Variants in NMNAT2 observed in about 807,000 individuals in gnomAD.
The protein encoded by NMNAT2 is nicotinamide nucleotide adenylyltransferase 2, also known as nicotinamide/nicotinic acid mononucleotide adenylyltransferase 2.
A neutral mutation model predicts 41.6 loss-of-function variants in NMNAT2; 11 were observed. That is an observed-to-expected ratio of 0.26 (90% CI 0.17 to 0.44). The LOEUF (loss-of-function observed/expected upper bound fraction) is 0.44, where lower values mean the gene tolerates loss of function less well. Among genes scored for constraint, NMNAT2 ranks in the 20% least tolerant of loss-of-function variants. NMNAT2 has a pLI of 1.00. For synonymous variants in NMNAT2, 148 were observed against 151.2 expected (o/e 0.98, Z 0.16); for missense variants, 288 against 407.7 (o/e 0.71, Z 2.53).
intron 1 of NMNAT2, among the ~76,000 whole-genome samples, chr1:183,371,156 C>T (rs1422619905): frequency 2.0e-5 from 3 of 152,100 alleles, no homozygotes; most frequent in South Asian, 2.1e-4. Flanking sequence ...GGGCATTAGA[C>T]GCACCTGATA....
chr1:183,286,829 G>T, intron 4 of NMNAT2, 41 bp from the exon 5 acceptor site: 1 of 1,586,686 alleles, frequency 6.3e-7, no homozygotes, highest in South Asian at 1.2e-5. Flanking sequence ...ATGTGACTTT[G>T]AGAATCGTTT....
intron 10 of NMNAT2, among the ~76,000 whole-genome samples, chr1:183,257,417 G>A (rs991867615): frequency 6.6e-6 from 1 of 152,102 alleles, no homozygotes; most frequent in Non-Finnish European, 1.5e-5. Flanking sequence ...CTCCAGCCTG[G>A]GCGACAGAGT....
At chr1:183,333,446 G>C (rs150484323) in intron 1 of NMNAT2, among the ~76,000 whole-genome samples, 2 of 152,184 alleles carry the variant, frequency 1.3e-5, no homozygotes, top group Non-Finnish European at 2.9e-5. Context: ...TTAACTTAAG[G>C]ATCCTTATAA....
chr1:183,297,031 CT>C (rs1460395842), intron 1 of NMNAT2, among the ~76,000 whole-genome samples: 1 of 151,714 alleles, frequency 6.6e-6, no homozygotes, highest in Non-Finnish European at 1.5e-5. Context: ...GCCAGAACTT[CT>C]TTACTCTCCC....
At chr1:183,288,815 T>A (rs1388004475) in intron 4 of NMNAT2, among the ~76,000 whole-genome samples, 1 of 152,180 alleles carries the variant, frequency 6.6e-6, no homozygotes, top group Non-Finnish European at 1.5e-5. Context: ...TCTTACACAG[T>A]GTCTTTTATT....
At chr1:183,255,927 G>T (rs901397319) in intron 10 of NMNAT2, among the ~76,000 whole-genome samples, 1 of 151,832 alleles carries the variant, frequency 6.6e-6, no homozygotes, top group Middle Eastern at 3.2e-3. Flanking sequence ...GCCTCCCAAA[G>T]TGCTGGGATT....
At chr1:183,312,202 A>AT (rs1662138547) in intron 1 of NMNAT2, among the ~76,000 whole-genome samples, 1 of 151,790 alleles carries the variant, frequency 6.6e-6, no homozygotes, top group Non-Finnish European at 1.5e-5. Flanking sequence ...GAAGATAATA[A>AT]TTTTTTTGGT....
rs929043845 is a variant in NMNAT2, at chr1:183,331,363, G to A, written c.86-37570C>T. Among the ~76,000 whole-genome samples, 8 of 152,294 alleles carry A rather than the reference G, an allele frequency of 5.3e-5. No homozygotes were observed. The South Asian group carries it at 1.0e-3, about 20-fold the overall frequency. ...GAGACTGGCTGACGGGAGGCGAGGC[G>A]AGGCGTGAAGGAGAGAGGAGAAGGG... On this transcript the variant is annotated intron_variant, in intron 1 of 10. Transcript: ENST00000287713.
chr1:183,266,753 C>A, intron 8 of NMNAT2: 1 of 214,394 alleles, frequency 4.7e-6, no homozygotes, highest in Non-Finnish European at 9.8e-6. Flanking sequence ...AAAATTCAAG[C>A]TAATTACTGA....
rs549928621 is a variant in NMNAT2, at chr1:183,345,302, A to G, written c.86-51509T>C. On this transcript the variant is annotated intron_variant, in intron 1 of 10. Coordinates refer to ENST00000287713, the MANE Select transcript of NMNAT2 (RefSeq NM_015039.4). ...TGAAATTCAATCCCCATGGTAAATTATATATGTATATTTTACCTCAGTAAA... is the reference window on the plus strand; with the variant it reads ...TGAAATTCAATCCCCATGGTAAATTGTATATGTATATTTTACCTCAGTAAA... Among the ~76,000 whole-genome samples the G allele has an allele frequency of 3.9e-5, 6 of 152,262 alleles. No individual in the cohort carries two copies. In the South Asian group the frequency reaches 8.3e-4, roughly 21 times the overall value.
At chr1:183,374,973 G>C (rs572925935) in intron 1 of NMNAT2, among the ~76,000 whole-genome samples, 1 of 152,186 alleles carries the variant, frequency 6.6e-6, no homozygotes, top group Admixed American at 6.5e-5. Context: ...TTTAGCTTGA[G>C]TGTTGACATT....
At chr1:183,320,253 C>T (rs997733210) in intron 1 of NMNAT2, among the ~76,000 whole-genome samples, 4 of 152,212 alleles carry the variant, frequency 2.6e-5, no homozygotes, top group African/African-American at 9.6e-5. Flanking sequence ...TTTTGAAGTG[C>T]TGCTCTAGTT....
intron 1 of NMNAT2, among the ~76,000 whole-genome samples, chr1:183,328,857 A>G (rs574488460): frequency 6.6e-6 from 1 of 152,330 alleles, no homozygotes; most frequent in South Asian, 2.1e-4. Context: ...ATAAAAGCCA[A>G]TAGAAATCCT....
chr1:183,317,272 C>A (rs1471212813), intron 1 of NMNAT2, among the ~76,000 whole-genome samples: 1 of 152,160 alleles, frequency 6.6e-6, no homozygotes, highest in Non-Finnish European at 1.5e-5. Flanking sequence ...CTGAGCCTGA[C>A]TGATGGATTT....
At chr1:183,277,512 CAAAA>C (rs759856572) in intron 8 of NMNAT2, among the ~76,000 whole-genome samples, 3 of 47,712 alleles carry the variant, frequency 6.3e-5, no homozygotes, top group Middle Eastern at 0.01. Flanking sequence ...GACTCCGTCT[CAAAA>C]AAAAAAAAAA....
chr1:183,260,792 C>T (rs576460920), intron 10 of NMNAT2, among the ~76,000 whole-genome samples: 1 of 143,924 alleles, frequency 6.9e-6, no homozygotes, highest in Non-Finnish European at 1.5e-5. Context: ...GAACTCCAGC[C>T]TGGGCAACAA....
chr1:183,256,102 T>A (rs559736234), intron 10 of NMNAT2, among the ~76,000 whole-genome samples: 36 of 151,926 alleles, frequency 2.4e-4, no homozygotes, highest in East Asian at 5.8e-4. Flanking sequence ...GTGGGTTTTT[T>A]AAAAAAAATA....
At chr1:183,290,252 T>G (rs1160197304) in intron 3 of NMNAT2, 46 bp from the exon 4 acceptor site, 1 of 1,455,366 alleles carries the variant, frequency 6.9e-7, no homozygotes, top group Non-Finnish European at 9.4e-7. Flanking sequence ...GTTCTCATAT[T>G]CTTTCCTTAT....
chr1:183,304,877 C>T, intron 1 of NMNAT2: 1 of 1,513,508 alleles, frequency 6.6e-7, no homozygotes, highest in Non-Finnish European at 8.8e-7. Flanking sequence ...AATTTGAATC[C>T]CTTTGTCCTT....
Sources: allele counts gnomAD v4.1 joint callset (sites outside exome capture counted in the v4.1 genomes callset), GRCh38; gene constraint gnomAD v4.1.1; transcripts MANE v1.5; gene names NCBI Gene and HGNC (gene_info 2026-07-23, HGNC 2026-07-21).